The following GPC5 variants were observed in gnomAD, a reference collection of about 807,000 sequenced individuals.
GPC5 encodes glypican-5.
In GPC5, 47 loss-of-function variants were observed where a neutral mutation model predicts 53.9. The ratio of observed to expected loss-of-function variants is 0.87; its 90% CI spans 0.69 to 1.11. GPC5 has a LOEUF of 1.11. GPC5 is among the 50% of genes most tolerant of loss of function. The pLI, the probability that GPC5 is intolerant of heterozygous loss-of-function variation, is 0.00. For synonymous variants in GPC5, 286 were observed against 263.3 expected (o/e 1.09, Z -0.84); for missense variants, 748 against 713.1 (o/e 1.05, Z -0.56).
chr13:91,399,301 A>G (rs1004658325), intron 1 of GPC5, 92 bp downstream of exon 1: 10 of 1,436,780 alleles, frequency 7.0e-6, no homozygotes, highest in Non-Finnish European at 9.3e-6. Flanking sequence ...TGGGAAGATG[A>G]CCTTTCGGGC....
chr13:91,687,033 G>C (rs1373360315), intron 2 of GPC5, among the ~76,000 whole-genome samples: 6 of 151,704 alleles, frequency 4.0e-5, no homozygotes, highest in Admixed American at 3.9e-4. Context: ...AATTGTAATT[G>C]AAATTTCAAA....
intron 5 of GPC5, among the ~76,000 whole-genome samples, chr13:91,770,696 C>CTGTGTGTTTG (rs2037606868): frequency 1.2e-5 from 1 of 82,550 alleles, no homozygotes; most frequent in Non-Finnish European, 2.8e-5. Flanking sequence ...ACTGGGGAGA[C>CTGTGTGTTTG]TGTGTGTTTG....
intron 7 of GPC5, among the ~76,000 whole-genome samples, chr13:92,147,780 C>T (rs1593930851): frequency 1.3e-5 from 2 of 151,946 alleles, no homozygotes; most frequent in African/African-American, 2.4e-5. Flanking sequence ...ATAGCTGTTG[C>T]CTTTCAATTT....
intron 2 of GPC5, among the ~76,000 whole-genome samples, chr13:91,585,314 A>G (rs2032520343): frequency 6.6e-6 from 1 of 152,238 alleles, no homozygotes; most frequent in Admixed American, 6.5e-5. Flanking sequence ...AAATGCATAT[A>G]CATGAAGACT....
At chr13:92,416,468 G>GCTTAGACAAAAAA in intron 7 of GPC5, among the ~76,000 whole-genome samples, 1 of 152,134 alleles carries the variant, frequency 6.6e-6, no homozygotes, top group East Asian at 1.9e-4. Flanking sequence ...CAAAGCAATG[G>GCTTAGACAAAAAA]AGATAGAATA....
chr13:92,124,248 G>GAAAA lies in GPC5; in HGVS notation c.1402-20560_1402-20557dup, dbSNP rs34042033. On this transcript the variant is annotated intron_variant, in intron 6 of 7. Transcript: ENST00000377067. The stretch of plus-strand genomic sequence containing the variant: ...CTCCCATCTTAACTCCGGACAGAAT[G>GAAAA]AAAAAAAAAAAAAAAAAAAAAAAAA... Among the ~76,000 whole-genome samples the GAAAA allele has an allele frequency of 6.6e-3, 361 of 54,820 alleles. 1 individual carries two copies. The highest frequency in any genetic ancestry group is 0.012 in the Middle Eastern group (1 of 84). The allele number at this position is 54,820 out of a possible 152,430, so 36.0% of individuals were successfully genotyped here.
rs1238234898 is a variant in GPC5, at chr13:92,757,982, G to T, written c.1562-108300G>T. On this transcript the variant is annotated intron_variant, in intron 7 of 7. Coordinates refer to ENST00000377067, the MANE Select transcript of GPC5 (RefSeq NM_004466.6). Reference sequence around the variant, plus strand: ...TTTGACCCAGCCATGCCATTCCTGGGTATATACCCAAAGGACTATAAATCA... The same window carrying T: ...TTTGACCCAGCCATGCCATTCCTGGTTATATACCCAAAGGACTATAAATCA... Among the ~76,000 whole-genome samples, 3 of 151,260 alleles carry T rather than the reference G, an allele frequency of 2.0e-5. No homozygotes were observed. The East Asian group carries it at 5.9e-4, about 30-fold the overall frequency.
chr13:91,658,534 G>A (rs2034903739), intron 2 of GPC5, among the ~76,000 whole-genome samples: 1 of 152,088 alleles, frequency 6.6e-6, no homozygotes, highest in Admixed American at 6.6e-5. Context: ...GACCTTTCTT[G>A]TTTAATGCCA....
chr13:92,693,810 A>C (rs1887481529), intron 7 of GPC5, among the ~76,000 whole-genome samples: 1 of 152,224 alleles, frequency 6.6e-6, no homozygotes, highest in Non-Finnish European at 1.5e-5. Context: ...AATTTGCATA[A>C]GTAAATGAGG....
At chr13:92,832,855 A>G (rs1331465453) in intron 7 of GPC5, among the ~76,000 whole-genome samples, 1 of 152,142 alleles carries the variant, frequency 6.6e-6, no homozygotes, top group Non-Finnish European at 1.5e-5. Context: ...TAAAAATACA[A>G]AAATTAGCTG....
chr13:91,766,823 G>C (rs1246467878), intron 5 of GPC5, among the ~76,000 whole-genome samples: 1 of 152,132 alleles, frequency 6.6e-6, no homozygotes, highest in African/African-American at 2.4e-5. Context: ...CTGCACCACT[G>C]CACTCCAGCC....
At chr13:92,348,323 T>C (rs1268700383) in intron 7 of GPC5, among the ~76,000 whole-genome samples, 1 of 151,280 alleles carries the variant, frequency 6.6e-6, no homozygotes, top group East Asian at 1.9e-4. Context: ...AAAACTGAAA[T>C]AGGAGACGCA....
chr13:92,866,225 G>T, intron 7 of GPC5, 57 bp from the exon 8 acceptor site: 3 of 1,492,928 alleles, frequency 2.0e-6, no homozygotes, highest in South Asian at 2.6e-5. Flanking sequence ...AGTTGTTCTA[G>T]ACGTATTATG....
At chr13:92,385,873 G>A (rs1874692412) in intron 7 of GPC5, among the ~76,000 whole-genome samples, 1 of 144,410 alleles carries the variant, frequency 6.9e-6, no homozygotes, top group East Asian at 2.1e-4. Flanking sequence ...ATTTCATTTA[G>A]GGACCTATAA....
chr13:92,046,181 C>T (rs1045195796), intron 6 of GPC5, among the ~76,000 whole-genome samples: 1 of 151,978 alleles, frequency 6.6e-6, no homozygotes, highest in African/African-American at 2.4e-5. Flanking sequence ...AAAGAAAAAT[C>T]ACAATTACCT....
intron 7 of GPC5, among the ~76,000 whole-genome samples, chr13:92,150,635 A>G (rs1335872612): frequency 6.6e-6 from 1 of 152,034 alleles, no homozygotes; most frequent in Non-Finnish European, 1.5e-5. Flanking sequence ...AATTGAAGTA[A>G]AAGGTTTGTC....
chr13:91,507,137 T>A (rs1884986447), intron 2 of GPC5, among the ~76,000 whole-genome samples: 1 of 152,140 alleles, frequency 6.6e-6, no homozygotes, highest in South Asian at 2.1e-4. Context: ...TTACTTCTCA[T>A]AGCTCTGGAG....
At chr13:92,468,161 A>G (rs895711941) in intron 7 of GPC5, among the ~76,000 whole-genome samples, 7 of 152,132 alleles carry the variant, frequency 4.6e-5, no homozygotes, top group Admixed American at 3.3e-4. Flanking sequence ...GGCAGCTAAT[A>G]AATTGGTTGA....
intron 7 of GPC5, among the ~76,000 whole-genome samples, chr13:92,200,164 C>T (rs1232643409): frequency 6.9e-6 from 1 of 145,548 alleles, no homozygotes; most frequent in Non-Finnish European, 1.5e-5. Context: ...TTTTATATTT[C>T]CCTTTTTCCA....
Sources: allele counts gnomAD v4.1 joint callset (sites outside exome capture counted in the v4.1 genomes callset), GRCh38; gene constraint gnomAD v4.1.1; transcripts MANE v1.5; gene names NCBI Gene and HGNC (gene_info 2026-07-23, HGNC 2026-07-21).